ACSS3: variants seen among roughly 807,000 people sequenced by gnomAD.
The protein encoded by ACSS3 is acyl-CoA synthetase short chain family member 3.
Under a neutral mutation model 84.2 loss-of-function variants are expected in ACSS3, and 64 were observed. That is an observed-to-expected ratio of 0.76 (90% CI 0.62 to 0.94). The LOEUF (loss-of-function observed/expected upper bound fraction) is 0.94. Ranked by LOEUF, ACSS3 falls within the 40% of genes least tolerant of loss-of-function variation. ACSS3 has a pLI of 0.00. For missense variants in ACSS3, 815 were observed against 867.6 expected (o/e 0.94, Z 0.76); for synonymous variants, 317 against 310.1 (o/e 1.02, Z -0.23).
chr12:81,107,343 C>A (rs1421809635), intron 1 of ACSS3, among the ~76,000 whole-genome samples: 5 of 150,884 alleles, frequency 3.3e-5, no homozygotes, highest in Admixed American at 3.3e-4. Flanking sequence ...GAGGGAAGCC[C>A]CTTTTTTGGG....
intron 1 of ACSS3, among the ~76,000 whole-genome samples, chr12:81,096,628 C>G (rs1027384597): frequency 1.3e-5 from 2 of 152,044 alleles, no homozygotes; most frequent in Non-Finnish European, 2.9e-5. Flanking sequence ...CCTTGCCCCC[C>G]ACCCCCTGAC....
intron 8 of ACSS3, among the ~76,000 whole-genome samples, chr12:81,194,058 T>C (rs901503229): frequency 2.0e-5 from 3 of 151,816 alleles, no homozygotes; most frequent in African/African-American, 7.2e-5. Context: ...GGAATTTAGC[T>C]GTTGAAAAGG....
chr12:81,137,302 C>T (rs146910222), intron 3 of ACSS3, among the ~76,000 whole-genome samples: 133 of 148,356 alleles, frequency 9.0e-4, no homozygotes, highest in African/African-American at 3.2e-3. Flanking sequence ...TGGTGTACCA[C>T]TTAAGGAATT....
Position 81,151,881 on chromosome 12 carries a change from T to C in ACSS3, c.959T>C (p.Leu320Pro), listed in dbSNP as rs1377217764. 2.5e-6 allele frequency: 4 copies of C among 1,613,830 alleles called. No individual in the cohort carries two copies. The highest frequency in any genetic ancestry group is 1.7e-5 in the Admixed American group (1 of 60,004). ...IRPTGGYAVM[L>P]HWSMSSIYGL... is the part of the protein sequence containing the mutation. Reference sequence around the variant, plus strand: ...CCCACTGGGGGATACGCTGTCATGCTACACTGGTCAATGTCTTCCATATAC... The same window carrying C: ...CCCACTGGGGGATACGCTGTCATGCCACACTGGTCAATGTCTTCCATATAC... The change falls in exon 6 of 16, where the codon CTA (leucine) becomes CCA (proline). Residue 320 changes from leucine to proline, a missense_variant. Coordinates refer to ENST00000548058, the MANE Select transcript of ACSS3 (RefSeq NM_024560.4).
rs182982079 is a variant in ACSS3, at chr12:81,248,663, T to C, written c.1720-4644T>C. On this transcript the variant is annotated intron_variant, in intron 13 of 15. Coordinates refer to ENST00000548058, the MANE Select transcript of ACSS3 (RefSeq NM_024560.4). ...ATTCAGTAGCAAAGTAGAGTGTCTATAGTTAATAACAATGTATAGTTCAAA... is the reference window on the plus strand; with the variant it reads ...ATTCAGTAGCAAAGTAGAGTGTCTACAGTTAATAACAATGTATAGTTCAAA... Among the ~76,000 whole-genome samples, 16 of 152,082 alleles carry C rather than the reference T, an allele frequency of 1.1e-4. 1 individual carries two copies. The highest frequency in any genetic ancestry group is 3.6e-4 in the African/African-American group (15 of 41,536).
chr12:81,195,587 A>G (rs893691687), intron 8 of ACSS3, among the ~76,000 whole-genome samples: 1 of 151,974 alleles, frequency 6.6e-6, no homozygotes, highest in African/African-American at 2.4e-5. Flanking sequence ...TGTCAAAAAA[A>G]TTGTGTGGTT....
intron 3 of ACSS3, among the ~76,000 whole-genome samples, chr12:81,135,372 TATATATA>T (rs1415970236): frequency 2.3e-5 from 3 of 130,774 alleles, no homozygotes; most frequent in Admixed American, 7.6e-5. Context: ...TATATCACAT[TATATATA>T]ATATATAATA....
At chr12:81,121,657 A>G (rs910182435) in intron 2 of ACSS3, among the ~76,000 whole-genome samples, 2 of 152,114 alleles carry the variant, frequency 1.3e-5, no homozygotes, top group East Asian at 1.9e-4. Flanking sequence ...TTAATTTACT[A>G]TAATGAATGA....
intron 8 of ACSS3, among the ~76,000 whole-genome samples, chr12:81,187,481 A>T (rs1030990459): frequency 9.2e-5 from 14 of 151,924 alleles, no homozygotes; most frequent in African/African-American, 3.4e-4. Context: ...TACTCCGGTT[A>T]GAATGATAAA....
At chr12:81,213,601 C>T (rs186480741) in intron 9 of ACSS3, among the ~76,000 whole-genome samples, 6 of 16,186 alleles carry the variant, frequency 3.7e-4, no homozygotes, top group African/African-American at 1.2e-3. Context: ...CCTCCCCTCC[C>T]CTCCCCTCCC....
At chr12:81,147,012 G>T (rs1321678777) in intron 5 of ACSS3, among the ~76,000 whole-genome samples, 1 of 152,016 alleles carries the variant, frequency 6.6e-6, no homozygotes, top group Non-Finnish European at 1.5e-5. Context: ...AAAAAAAAGA[G>T]TGAAAGTCAA....
intron 5 of ACSS3, among the ~76,000 whole-genome samples, chr12:81,148,004 A>C (rs1176780416): frequency 6.7e-6 from 1 of 148,506 alleles, no homozygotes; most frequent in African/African-American, 2.6e-5. Context: ...CATTTTACAT[A>C]TGTAAATATA....
chr12:81,202,582 G>C (rs553218025), intron 9 of ACSS3, among the ~76,000 whole-genome samples: 1 of 152,034 alleles, frequency 6.6e-6, no homozygotes. Flanking sequence ...CAAATTTCAA[G>C]TTTTCTACAG....
At chr12:81,080,889 G>A (rs1324505181) in intron 1 of ACSS3, among the ~76,000 whole-genome samples, 1 of 152,194 alleles carries the variant, frequency 6.6e-6, no homozygotes, top group Admixed American at 6.5e-5. Context: ...AGTGGATTTA[G>A]GCACAATTTG....
At chr12:81,114,979 T>C (rs2121520817) in intron 2 of ACSS3, among the ~76,000 whole-genome samples, 1 of 152,278 alleles carries the variant, frequency 6.6e-6, no homozygotes, top group African/African-American at 2.4e-5. Flanking sequence ...TTTTGAACTT[T>C]ATACAAATTG....
In ACSS3 at chr12:81,213,851, C is replaced by CTCTCTTCTCT. The variant is rs1555181629; in HGVS notation, c.1355-3047_1355-3038dup. 2.0e-4 allele frequency among the ~76,000 whole-genome samples: 12 copies of CTCTCTTCTCT among 60,810 alleles called. 1 individual carries two copies. In the East Asian group the frequency reaches 2.5e-3, roughly 13 times the overall value. The allele number at this position is 60,810 out of a possible 152,430, so 39.9% of individuals were successfully genotyped here. On this transcript the variant is annotated intron_variant, in intron 9 of 15. Transcript: ENST00000548058. The stretch of plus-strand genomic sequence containing the variant: ...CTCTTCTCTTCTCTTCTCTCCTCTC[C>CTCTCTTCTCT]TCTCTTCTCTTCCTTTCTTTCTTTC...
At chr12:81,235,458 C>G (rs1170403118) in intron 13 of ACSS3, among the ~76,000 whole-genome samples, 1 of 151,212 alleles carries the variant, frequency 6.6e-6, no homozygotes, top group Non-Finnish European at 1.5e-5. Context: ...CTTGTTGTAG[C>G]TATACTAGTT....
chr12:81,114,033 T>G (rs2050903945), intron 2 of ACSS3, among the ~76,000 whole-genome samples: 1 of 152,102 alleles, frequency 6.6e-6, no homozygotes, highest in African/African-American at 2.4e-5. Context: ...ATCACTAATT[T>G]TATGTTGAAT....
chr12:81,170,596 A>G (rs538737186), intron 7 of ACSS3, among the ~76,000 whole-genome samples: 24 of 152,122 alleles, frequency 1.6e-4, no homozygotes, highest in Middle Eastern at 3.2e-3. Context: ...ACTGGTAACC[A>G]CATTGATTTG....
Sources: gnomAD v4.1 joint callset for allele counts (sites outside exome capture counted in the v4.1 genomes callset) on GRCh38, gnomAD v4.1.1 for gene constraint, MANE v1.5 for transcripts, NCBI Gene and HGNC (gene_info 2026-07-23, HGNC 2026-07-21) for gene names.